Variants in CDC42SE2 observed in about 807,000 individuals in gnomAD.
CDC42SE2 encodes CDC42 small effector protein 2.
In CDC42SE2, 3 loss-of-function variants were observed where a neutral mutation model predicts 11.5. The observed-to-expected ratio is 0.26, with a 90% CI of 0.12 to 0.67. CDC42SE2 has a LOEUF of 0.67. CDC42SE2 is among the 30% of genes least tolerant of loss of function. The probability of loss-of-function intolerance (pLI) is 0.80; values close to 1 mark genes in which losing one functional copy is unlikely to be tolerated. For synonymous variants in CDC42SE2, 33 were observed against 34.8 expected, an observed-to-expected ratio of 0.95 and a Z score of 0.18; for missense variants, 82 against 106.8, an observed-to-expected ratio of 0.77 and a Z score of 1.02.
chr5:131,232,207 G>A, the CDC42SE2 span, among the ~76,000 whole-genome samples: 16 of 151,804 alleles, frequency 1.1e-4, no homozygotes, highest in Middle Eastern at 3.4e-3. Flanking sequence ...TTGACTTCCC[G>A]AACTCAGGTG....
At chr5:131,228,643 C>T in the CDC42SE2 span, among the ~76,000 whole-genome samples, 5 of 152,238 alleles carry the variant, frequency 3.3e-5, no homozygotes, top group Non-Finnish European at 5.9e-5. Flanking sequence ...TGTATATCCT[C>T]ATCATGGACA....
chr5:131,390,632 G>T (rs1750622404), intron 4 of CDC42SE2, among the ~76,000 whole-genome samples: 1 of 151,902 alleles, frequency 6.6e-6, no homozygotes, highest in African/African-American at 2.4e-5. Context: ...CTGAGATGAC[G>T]CCAGTGCACT....
chr5:131,253,135 G>C (rs1756654389), intron 1 of CDC42SE2: 1 of 152,202 alleles, frequency 6.6e-6, no homozygotes, highest in Non-Finnish European at 1.5e-5. Context: ...GCATGGTAAG[G>C]CTGGTCTGAG....
At chr5:131,278,050 G>T (rs1049903975) in intron 1 of CDC42SE2, among the ~76,000 whole-genome samples, 2 of 152,074 alleles carry the variant, frequency 1.3e-5, no homozygotes, top group African/African-American at 4.8e-5. Context: ...CTGGAGTTCA[G>T]TGGCATGATC....
intron 1 of CDC42SE2, among the ~76,000 whole-genome samples, chr5:131,309,426 G>C (rs917653098): frequency 6.6e-6 from 1 of 152,180 alleles, no homozygotes; most frequent in Admixed American, 6.5e-5. Context: ...TTGTGTCTCT[G>C]CGCGGCGTTG....
At chr5:131,379,391 T>A (rs1750254804) in intron 3 of CDC42SE2, among the ~76,000 whole-genome samples, 1 of 152,216 alleles carries the variant, frequency 6.6e-6, no homozygotes, top group South Asian at 2.1e-4. Context: ...TGGGAAAGTT[T>A]TAACTTTTAA....
chr5:131,287,220 C>A (rs1377740173), intron 1 of CDC42SE2, among the ~76,000 whole-genome samples: 1 of 152,028 alleles, frequency 6.6e-6, no homozygotes, highest in African/African-American at 2.4e-5. Flanking sequence ...GTCTCAAACT[C>A]CTGACCTCAG....
At chr5:131,312,769 G>A (rs764008826) in intron 1 of CDC42SE2, among the ~76,000 whole-genome samples, 10 of 152,220 alleles carry the variant, frequency 6.6e-5, no homozygotes, top group Non-Finnish European at 7.4e-5. Flanking sequence ...TGCACTTCCC[G>A]AGTGAGGCAA....
At chr5:131,334,933 A>AT (rs1182912073) in intron 2 of CDC42SE2, among the ~76,000 whole-genome samples, 21 of 152,062 alleles carry the variant, frequency 1.4e-4, no homozygotes, top group African/African-American at 3.9e-4. Flanking sequence ...GGATTCATTG[A>AT]TTTTTTGAAG....
At position 131,359,208 on chromosome 5, in the gene CDC42SE2, G is replaced by T; in HGVS notation, c.-285-1G>T. On this transcript the variant is annotated splice_acceptor_variant, in intron 2 of 4. Transcript: ENST00000505065. LOFTEE classifies it low-confidence loss of function (5UTR_SPLICE). The stretch of plus-strand genomic sequence containing the variant: ...TTTTACTTTTTCTTTTTTTTCCCTA[G>T]ACTATCTGTTATAGTCCCTGGGTCA... 3.1e-6 allele frequency: 1 copy of T among 320,980 alleles called. No individual in the cohort carries two copies. Among genetic ancestry groups the T allele is most frequent in the Non-Finnish European group, 5.6e-6 (1 of 178,022 alleles). The allele number at this position is 320,980 out of a possible 1,614,324, so 19.9% of individuals were successfully genotyped here.
chr5:131,305,136 CTTCT>C (rs1358619859), intron 1 of CDC42SE2, among the ~76,000 whole-genome samples: 3 of 152,014 alleles, frequency 2.0e-5, no homozygotes, highest in Non-Finnish European at 4.4e-5. Flanking sequence ...CTTTGTGTGG[CTTCT>C]TTGACTCAGC....
At chr5:131,285,976 G>A (rs1286008425) in intron 1 of CDC42SE2, among the ~76,000 whole-genome samples, 2 of 151,746 alleles carry the variant, frequency 1.3e-5, no homozygotes, top group East Asian at 3.9e-4. Context: ...AATCTCATAA[G>A]AGGCTGTCTA....
intron 2 of CDC42SE2, among the ~76,000 whole-genome samples, chr5:131,256,851 C>T (rs1756683389): frequency 6.6e-6 from 1 of 152,204 alleles, no homozygotes; most frequent in African/African-American, 2.4e-5. Context: ...TTCAAAGGCT[C>T]ATGTAATTAG....
At chr5:131,291,887 A>G (rs1035704661) in intron 1 of CDC42SE2, among the ~76,000 whole-genome samples, 1 of 152,162 alleles carries the variant, frequency 6.6e-6, no homozygotes. Flanking sequence ...GGGAGAAATT[A>G]GTTAGGAAAC....
At chr5:131,254,972 C>T (rs1412503655) in intron 1 of CDC42SE2, 1 of 151,898 alleles carries the variant, frequency 6.6e-6, no homozygotes, top group Admixed American at 6.6e-5. Context: ...TCATTATAAC[C>T]AAGAACTGAT....
intron 1 of CDC42SE2, among the ~76,000 whole-genome samples, chr5:131,284,379 A>C (rs1757299406): frequency 2.0e-5 from 3 of 152,232 alleles, no homozygotes; most frequent in African/African-American, 7.2e-5. Context: ...ATTGTAAAGG[A>C]TTTCAAAGGA....
At chr5:131,305,816 A>G (rs1757767311) in intron 1 of CDC42SE2, among the ~76,000 whole-genome samples, 1 of 152,220 alleles carries the variant, frequency 6.6e-6, no homozygotes, top group Non-Finnish European at 1.5e-5. Context: ...ATCTAAAAAA[A>G]CTAAAAATTG....
intron 1 of CDC42SE2, among the ~76,000 whole-genome samples, chr5:131,310,242 T>G (rs1229564500): frequency 6.6e-6 from 1 of 152,004 alleles, no homozygotes; most frequent in Non-Finnish European, 1.5e-5. Flanking sequence ...TCAGTTTCCA[T>G]GTAGTTGAGC....
chr5:131,343,740 T>G (rs1580767580), intron 2 of CDC42SE2, among the ~76,000 whole-genome samples: 9 of 145,320 alleles, frequency 6.2e-5, no homozygotes, highest in Admixed American at 6.8e-5. Flanking sequence ...GAGAGAGAGA[T>G]GGAAGAGGCA....
Sources: allele counts gnomAD v4.1 joint callset (sites outside exome capture counted in the v4.1 genomes callset), GRCh38; gene constraint gnomAD v4.1.1; transcripts MANE v1.5; gene names NCBI Gene and HGNC (gene_info 2026-07-23, HGNC 2026-07-21).